MTOR: variants seen among roughly 807,000 people sequenced by gnomAD.
MTOR encodes mechanistic target of rapamycin kinase.
In MTOR, 70 loss-of-function variants were observed where a neutral mutation model predicts 319.8. The observed-to-expected ratio is 0.22, with a 90% confidence interval of 0.18 to 0.27. The LOEUF (loss-of-function observed/expected upper bound fraction) is 0.27, where lower values mean the gene tolerates loss of function less well. Among genes scored for constraint, MTOR ranks in the 10% least tolerant of loss-of-function variants. MTOR has a pLI of 1.00. For synonymous variants in MTOR, 1,183 were observed against 1,211.4 expected (o/e 0.98, Z 0.49); for missense variants, 1,890 against 3,274.4 (o/e 0.58, Z 10.32).
chr1:11,149,889 G>A (rs548903176), intron 31 of MTOR, among the ~76,000 whole-genome samples: 6 of 152,248 alleles, frequency 3.9e-5, no homozygotes, highest in Non-Finnish European at 7.4e-5. Flanking sequence ...TTTTGATTTT[G>A]TGCACCGTTT....
chr1:11,235,120 G>T, intron 13 of MTOR, among the ~76,000 whole-genome samples: 1 of 152,182 alleles, frequency 6.6e-6, no homozygotes, highest in African/African-American at 2.4e-5. Flanking sequence ...ACAGGGAAAA[G>T]AAATGAAGGG....
At chr1:11,231,472 CGA>C in intron 16 of MTOR, 38 bp from the exon 17 acceptor site, 1 of 1,608,566 alleles carries the variant, frequency 6.2e-7, no homozygotes, top group Non-Finnish European at 8.5e-7. Context: ...TGAGCCAGTA[CGA>C]GAGAAAAGAA....
chr1:11,201,167 A>G (rs188689999), intron 26 of MTOR, among the ~76,000 whole-genome samples: 11 of 152,268 alleles, frequency 7.2e-5, no homozygotes, highest in Admixed American at 2.0e-4. Context: ...CATCTCTAAA[A>G]TCATAAAAAA....
intron 24 of MTOR, among the ~76,000 whole-genome samples, chr1:11,210,272 CT>C (rs1034481841): frequency 6.6e-6 from 1 of 152,202 alleles, no homozygotes; most frequent in African/African-American, 2.4e-5. Context: ...CTTCAGCCTC[CT>C]CGGTAACTGG....
chr1:11,111,214 C>T (rs1006479720), intron 54 of MTOR: 1 of 453,442 alleles, frequency 2.2e-6, no homozygotes, highest in African/African-American at 2.0e-5. Flanking sequence ...TGGGGTGGCT[C>T]ATGCCTGTAA....
intron 38 of MTOR, 149 bp from the exon 39 acceptor site, chr1:11,130,926 C>T: frequency 9.8e-7 from 1 of 1,021,118 alleles, no homozygotes; most frequent in Non-Finnish European, 1.4e-6. Flanking sequence ...TCAGAAATGG[C>T]TGTTTTACTA....
intron 20 of MTOR, among the ~76,000 whole-genome samples, chr1:11,214,589 A>G (rs1646409575): frequency 6.6e-6 from 1 of 152,236 alleles, no homozygotes; most frequent in Admixed American, 6.5e-5. Context: ...AACAACAAGG[A>G]TAACTCCTCA....
intron 10 of MTOR, among the ~76,000 whole-genome samples, chr1:11,241,203 C>T (rs1647966667): frequency 6.6e-6 from 1 of 151,710 alleles, no homozygotes; most frequent in African/African-American, 2.4e-5. Flanking sequence ...CGCCTGTAGT[C>T]CCAGCTACTC....
intron 6 of MTOR, among the ~76,000 whole-genome samples, chr1:11,253,156 T>A (rs1474139584): frequency 6.6e-6 from 1 of 152,312 alleles, no homozygotes; most frequent in East Asian, 1.9e-4. Flanking sequence ...CAGGGTCAGA[T>A]GTGCATTGTG....
intron 6 of MTOR, among the ~76,000 whole-genome samples, chr1:11,251,784 G>A (rs372232218): frequency 2.0e-5 from 3 of 151,220 alleles, no homozygotes; most frequent in African/African-American, 7.3e-5. Context: ...GAGCCACCAT[G>A]CCCAGCCTTG....
At position 11,212,781 on chromosome 1, in the gene MTOR, AGAG is replaced by A; in HGVS notation, c.3398+12_3398+14del. ...AAAGCTTAAAGATTGCTAGTCCCAA[AGAG>A]GAGGTGCTCACTTTCGAGATGGCAG... On this transcript the variant is annotated intron_variant, in intron 22 of 57. Coordinates refer to ENST00000361445, the MANE Select transcript of MTOR (RefSeq NM_004958.4). The surrounding 1 kb of genome is among the most constrained non-coding windows in gnomAD (Gnocchi z 4.1). 1 of 1,587,332 alleles carries A rather than the reference AGAG, an allele frequency of 6.3e-7. No homozygotes were observed. The highest frequency in any genetic ancestry group is 1.7e-5 in the Admixed American group (1 of 59,932).
At chr1:11,201,403 C>T (rs1299516423) in intron 26 of MTOR, among the ~76,000 whole-genome samples, 5 of 152,174 alleles carry the variant, frequency 3.3e-5, no homozygotes, top group Non-Finnish European at 2.9e-5. Context: ...TTAAAAAATA[C>T]TTGAAAGAAA....
chr1:11,141,751 C>A (rs1466381645), intron 34 of MTOR, among the ~76,000 whole-genome samples: 1 of 148,310 alleles, frequency 6.7e-6, no homozygotes, highest in East Asian at 2.0e-4. Flanking sequence ...CTTTGGGAGG[C>A]TGAGGTGGGG....
chr1:11,137,443 C>T (rs1470823020), intron 36 of MTOR, among the ~76,000 whole-genome samples: 2 of 152,066 alleles, frequency 1.3e-5, no homozygotes, highest in African/African-American at 4.8e-5. Flanking sequence ...TTCGTTTATC[C>T]AGCATAAGAG....
At chr1:11,138,949 T>G (rs1317764393) in intron 36 of MTOR, 1 of 202,358 alleles carries the variant, frequency 4.9e-6, no homozygotes, top group Non-Finnish European at 9.8e-6. Context: ...CAAATTGGTC[T>G]TGTGAAAGTT....
chr1:11,144,596 C>A lies in MTOR; in HGVS notation c.4872+52G>T, dbSNP rs764533354. On this transcript the variant is annotated intron_variant, in intron 34 of 57. Transcript: ENST00000361445. ...GGTGGAGGGGGGCACTCACCCAGGT[C>A]CTGGAAGGGGTAGGGGTAGGTGGGT... 277 of 1,543,460 alleles carry A rather than the reference C, an allele frequency of 1.8e-4. 1 individual carries two copies. Among genetic ancestry groups the A allele is most frequent in the Non-Finnish European group, 2.4e-4 (266 of 1,118,082 alleles).
Position 11,115,811 on chromosome 1 carries a change from GT to G in MTOR, c.7017-344del. 1 of 273,816 alleles carries G rather than the reference GT, an allele frequency of 3.7e-6. No homozygotes were observed. Among genetic ancestry groups the G allele is most frequent in the Non-Finnish European group, 7.2e-6 (1 of 138,492 alleles). The allele number at this position is 273,816 out of a possible 1,614,324, so 17.0% of individuals were successfully genotyped here. ...TGGGCTTATGTGTGAATCACAGGTT[GT>G]CCCACTGTACTGAGATACTGTGCTT... is the stretch of plus-strand genomic sequence containing the variant. On this transcript the variant is annotated intron_variant, in intron 50 of 57. Transcript: ENST00000361445. This position sits in a 1 kb window ranked among gnomAD's most constrained non-coding sequence, Gnocchi z 4.5.
chr1:11,223,468 C>T (rs143690418), intron 19 of MTOR, among the ~76,000 whole-genome samples: 39 of 151,760 alleles, frequency 2.6e-4, no homozygotes, highest in African/African-American at 9.2e-4. Context: ...GTACATGTGT[C>T]GGGGGGAAAG....
chr1:11,225,858 A>G (rs1019555511), intron 19 of MTOR, among the ~76,000 whole-genome samples: 1 of 152,240 alleles, frequency 6.6e-6, no homozygotes, highest in Admixed American at 6.5e-5. Context: ...TTTCATGTCA[A>G]CAAGTTTTAT....
Sources: allele counts gnomAD v4.1 joint callset (sites outside exome capture counted in the v4.1 genomes callset), GRCh38; gene constraint gnomAD v4.1.1; non-coding constraint Gnocchi (gnomAD v3.1); transcripts MANE v1.5; gene names NCBI Gene and HGNC (gene_info 2026-07-23, HGNC 2026-07-21).